CELF2: variants seen among roughly 807,000 people sequenced by gnomAD.
The protein encoded by CELF2 is CUG triplet repeat RNA-binding protein 2.
A neutral mutation model predicts 62.6 loss-of-function variants in CELF2; 8 were observed. That is an observed-to-expected ratio of 0.13 (90% confidence interval 0.07 to 0.23). The LOEUF (loss-of-function observed/expected upper bound fraction) is 0.23, where lower values mean the gene tolerates loss of function less well. Among genes scored for constraint, CELF2 ranks in the 10% least tolerant of loss-of-function variants. The pLI, the probability that CELF2 is intolerant of heterozygous loss-of-function variation, is 1.00. For synonymous variants in CELF2, 258 were observed against 250.0 expected, an observed-to-expected ratio of 1.03 and a Z score of -0.30; for missense variants, 333 against 671.0, an observed-to-expected ratio of 0.50 and a Z score of 5.56.
chr10:11,235,659 G>T (rs1019184368), intron 3 of CELF2, among the ~76,000 whole-genome samples: 3 of 152,148 alleles, frequency 2.0e-5, no homozygotes, highest in Non-Finnish European at 2.9e-5. Flanking sequence ...AACTATGGAA[G>T]ACGAGATGAA....
At chr10:11,240,169 T>G (rs2073298712) in intron 3 of CELF2, among the ~76,000 whole-genome samples, 1 of 152,220 alleles carries the variant, frequency 6.6e-6, no homozygotes, top group Admixed American at 6.5e-5. Context: ...CATCATGGAA[T>G]TGGCATCTTC....
chr10:11,056,494 A>G (rs565677577), intron 1 of CELF2, among the ~76,000 whole-genome samples: 1 of 152,376 alleles, frequency 6.6e-6, no homozygotes, highest in East Asian at 1.9e-4. Context: ...AATTATAAGC[A>G]TACTTTCCAT....
At chr10:10,577,252 G>A in the CELF2 span, among the ~76,000 whole-genome samples, 1 of 152,050 alleles carries the variant, frequency 6.6e-6, no homozygotes, top group African/African-American at 2.4e-5. Context: ...TCCTTAGTAG[G>A]GAGGAATCAA....
the CELF2 span, among the ~76,000 whole-genome samples, chr10:10,659,203 T>C: frequency 0.018 from 2,672 of 152,306 alleles, 34 homozygotes; most frequent in Middle Eastern, 0.041. Flanking sequence ...ATCCCTCAAT[T>C]TCATAAAGAA....
At chr10:10,980,077 C>T (rs895905635) in intron 2 of CELF2, among the ~76,000 whole-genome samples, 2 of 152,052 alleles carry the variant, frequency 1.3e-5, no homozygotes, top group Admixed American at 6.6e-5. Context: ...TCATTTTTTC[C>T]CTAAAAAGTT....
At chr10:11,065,223 G>A (rs916540321) in intron 1 of CELF2, among the ~76,000 whole-genome samples, 1 of 152,134 alleles carries the variant, frequency 6.6e-6, no homozygotes, top group South Asian at 2.1e-4. Context: ...GATGATTGCC[G>A]TGATCAAAAC....
chr10:11,109,532 G>C (rs894787573), intron 1 of CELF2, among the ~76,000 whole-genome samples: 1 of 152,204 alleles, frequency 6.6e-6, no homozygotes, highest in Admixed American at 6.5e-5. Context: ...GAAAGTTAAA[G>C]AGAGATCACA....
At chr10:10,738,249 C>G in the CELF2 span, among the ~76,000 whole-genome samples, 1 of 152,168 alleles carries the variant, frequency 6.6e-6, no homozygotes, top group African/African-American at 2.4e-5. Context: ...CAGTTTAAAA[C>G]CCTTTAGATG....
the CELF2 span, among the ~76,000 whole-genome samples, chr10:10,681,037 G>C: frequency 5.3e-5 from 8 of 151,926 alleles, no homozygotes; most frequent in Non-Finnish European, 1.0e-4. Context: ...CTTCTCTCAA[G>C]GGTTTTTATT....
At chr10:11,169,755 G>A (rs1162836045) in intron 2 of CELF2, among the ~76,000 whole-genome samples, 1 of 152,196 alleles carries the variant, frequency 6.6e-6, no homozygotes, top group Admixed American at 6.5e-5. Context: ...CGTCTGTCAT[G>A]GGAATGGAAG....
chr10:11,172,677 G>C (rs1397001468), intron 2 of CELF2, among the ~76,000 whole-genome samples: 1 of 152,184 alleles, frequency 6.6e-6, no homozygotes, highest in Non-Finnish European at 1.5e-5. Context: ...TATATCTCTG[G>C]AGAGAAAAGG....
In CELF2 at chr10:10,853,729, G is replaced by A. The variant is rs187450625; in HGVS notation, c.53+54912G>A. On this transcript the variant is annotated intron_variant, in intron 1 of 13. Coordinates refer to the CELF2 transcript ENST00000636488. The stretch of plus-strand genomic sequence containing the variant: ...CTTGAGAGTGGGGAGCTGGCCTCTC[G>A]GTTCTCCTCGGCATGAGGCAGATGC... Among the ~76,000 whole-genome samples, 273 of 152,096 alleles carry A rather than the reference G, an allele frequency of 1.8e-3. 2 individuals are homozygous for A. The highest frequency in any genetic ancestry group is 0.013 in the South Asian group (60 of 4,798).
At chr10:10,483,190 G>T in the CELF2 span, among the ~76,000 whole-genome samples, 2 of 126,706 alleles carry the variant, frequency 1.6e-5, no homozygotes, top group African/African-American at 6.1e-5. Flanking sequence ...TTGGTAAACA[G>T]TTCAGTCCAC....
chr10:11,074,003 G>C (rs1378768550), intron 1 of CELF2, among the ~76,000 whole-genome samples: 3 of 152,164 alleles, frequency 2.0e-5, no homozygotes, highest in Non-Finnish European at 4.4e-5. Context: ...GTGATTTCTA[G>C]CCTCCGTGCC....
chr10:10,685,686 T>C, the CELF2 span, among the ~76,000 whole-genome samples: 1 of 152,212 alleles, frequency 6.6e-6, no homozygotes, highest in East Asian at 1.9e-4. Flanking sequence ...GCTGATTTTA[T>C]AGCTTAGGGC....
Position 11,321,147 on chromosome 10 carries a change from T to C in CELF2, c.1097-42T>C. On this transcript the variant is annotated intron_variant, in intron 10 of 12. Coordinates refer to ENST00000633077, the MANE Select transcript of CELF2 (RefSeq NM_001326342.2). The surrounding 1 kb of genome is among the most constrained non-coding windows in gnomAD (Gnocchi z 6.2). ...ACTTCCTTTGGAAAGCACTAATGAA[T>C]AAGTGCTGTTTCTCTTCTCTATTGT... 6.3e-7 allele frequency: 1 copy of C among 1,595,434 alleles called. No individual in the cohort carries two copies. Among genetic ancestry groups the C allele is most frequent in the Non-Finnish European group, 8.6e-7 (1 of 1,163,236 alleles).
intron 11 of CELF2, 65 bp from the exon 12 acceptor site, chr10:11,325,771 A>C: frequency 6.9e-7 from 1 of 1,452,630 alleles, no homozygotes. Flanking sequence ...AAGTATTCCT[A>C]AGAAGGGACT....
the CELF2 span, among the ~76,000 whole-genome samples, chr10:10,683,697 G>A: frequency 5.4e-4 from 82 of 152,310 alleles, 1 homozygote; most frequent in Admixed American, 1.6e-3. Flanking sequence ...TATGCATTGC[G>A]TGGATAGCAG....
the CELF2 span, among the ~76,000 whole-genome samples, chr10:10,765,291 A>C: frequency 4.7e-3 from 709 of 152,254 alleles, 7 homozygotes; most frequent in Middle Eastern, 0.014. Flanking sequence ...AATTCTTACA[A>C]AAGTAGAAGG....
Sources: gnomAD v4.1 joint callset for allele counts (sites outside exome capture counted in the v4.1 genomes callset) on GRCh38, gnomAD v4.1.1 for gene constraint, Gnocchi (gnomAD v3.1) non-coding constraint, MANE v1.5 for transcripts, NCBI Gene and HGNC (gene_info 2026-07-23, HGNC 2026-07-21) for gene names.